PCDHGA2: variants seen among roughly 807,000 people sequenced by gnomAD.
PCDHGA2 encodes protocadherin gamma-A2.
PCDHGA2 carries 40 observed loss-of-function variants against 59.2 expected under a neutral mutation model. The observed-to-expected ratio is 0.68, with a 90% confidence interval of 0.52 to 0.88. The LOEUF is 0.88. Ranked by LOEUF, PCDHGA2 falls within the 40% of genes least tolerant of loss-of-function variation. PCDHGA2 has a pLI of 0.00. For synonymous variants in PCDHGA2, 560 were observed against 526.0 expected, an observed-to-expected ratio of 1.06 and a Z score of -0.89; for missense variants, 1,226 against 1,204.0, an observed-to-expected ratio of 1.02 and a Z score of -0.27.
intron 1 of PCDHGA2, among the ~76,000 whole-genome samples, chr5:141,401,638 TA>T (rs2094176765): frequency 1.3e-5 from 2 of 152,242 alleles, no homozygotes; most frequent in South Asian, 4.1e-4. Context: ...TTTGGAGCTT[TA>T]AATATAAATG....
intron 1 of PCDHGA2, among the ~76,000 whole-genome samples, chr5:141,483,160 T>C (rs1199191595): frequency 6.6e-6 from 1 of 152,176 alleles, no homozygotes; most frequent in Non-Finnish European, 1.5e-5. Flanking sequence ...AGTTAGATCC[T>C]GAGTTACCTT....
Position 141,431,336 on chromosome 5 carries a change from G to C in PCDHGA2, c.2425-63471G>C, listed in dbSNP as rs1187672228. ...TGGAGCCGACGGTAGTAAGTACCCC[G>C]AATTGGTGCTGAAACGCGCCCTGGA... On this transcript the variant is annotated intron_variant, in intron 1 of 3. Transcript: ENST00000394576. The surrounding 1 kb of genome is among the most constrained non-coding windows in gnomAD (Gnocchi z 4.8). 2.5e-6 allele frequency: 4 copies of C among 1,613,956 alleles called. No individual in the cohort carries two copies. The East Asian group carries it at 6.7e-5, about 27-fold the overall frequency.
intron 1 of PCDHGA2, chr5:141,429,216 T>A (rs1590916921): frequency 6.8e-6 from 1 of 146,786 alleles, no homozygotes; most frequent in Admixed American, 6.7e-5. Context: ...GTGTGAAAAG[T>A]GGGTATTATG....
chr5:141,409,748 G>C, intron 1 of PCDHGA2: 2 of 1,613,018 alleles, frequency 1.2e-6, no homozygotes, highest in South Asian at 2.2e-5. Context: ...GGTGGTGTTC[G>C]CGCAGCGCGC....
In PCDHGA2 at chr5:141,486,288, T is replaced by G. The variant is rs1181533037; in HGVS notation, c.2425-8519T>G. ...GAACCTGGCACTGTGGTGGCACTTA[T>G]CAGTGTGCAGGATCCAGACTCAGGG... On this transcript the variant is annotated intron_variant, in intron 1 of 3. Transcript: ENST00000394576. This position sits in a 1 kb window ranked among gnomAD's most constrained non-coding sequence, Gnocchi z 5.0. The G allele has an allele frequency of 6.2e-7, 1 of 1,613,996 alleles. No individual in the cohort carries two copies. The highest frequency in any genetic ancestry group is 1.7e-5 in the Admixed American group (1 of 60,000).
At position 141,355,654 on chromosome 5, in the gene PCDHGA2, T is replaced by C. The variant is rs199886630; in HGVS notation, c.2424+14259T>C. 3.2e-3 allele frequency: 5,118 copies of C among 1,613,994 alleles called. 18 individuals carry two copies. The highest frequency in any genetic ancestry group is 4.0e-3 in the Non-Finnish European group (4,668 of 1,179,882). ...TGAAAATGAAAATCCTGGGGCAAGA[T>C]TTCCTCTTCCTGAAGCTTTTGATCC... On this transcript the variant is annotated intron_variant, in intron 1 of 3. Transcript: ENST00000394576.
intron 1 of PCDHGA2, chr5:141,367,192 T>G (rs1764986193): frequency 6.3e-6 from 1 of 158,980 alleles, no homozygotes; most frequent in African/African-American, 2.4e-5. Flanking sequence ...GGAAATAATT[T>G]ACAGTATTTA....
chr5:141,348,025 T>C (rs896996512), intron 1 of PCDHGA2, among the ~76,000 whole-genome samples: 4 of 152,230 alleles, frequency 2.6e-5, no homozygotes, highest in Non-Finnish European at 5.9e-5. Context: ...CCAGACAATC[T>C]CTTCCAACAA....
At chr5:141,352,261 AT>A in intron 1 of PCDHGA2, 3 of 1,614,060 alleles carry the variant, frequency 1.9e-6, no homozygotes, top group Non-Finnish European at 2.5e-6. Flanking sequence ...TGCAAGAGGT[AT>A]TGCCAGACCT....
At chr5:141,467,693 G>C (rs543886467) in intron 1 of PCDHGA2, among the ~76,000 whole-genome samples, 49 of 152,108 alleles carry the variant, frequency 3.2e-4, no homozygotes, top group African/African-American at 1.1e-3. Flanking sequence ...ACAGGGTCTG[G>C]CTCTGTTGCC....
rs371139792 is a variant in PCDHGA2 at position 141,490,160 on chromosome 5, C to A, written c.2425-4647C>A. On this transcript the variant is annotated intron_variant, in intron 1 of 3. Transcript: ENST00000394576. This position sits in a 1 kb window ranked among gnomAD's most constrained non-coding sequence, Gnocchi z 5.4. The stretch of plus-strand genomic sequence containing the variant: ...AGTGGGGCAATCCATGTGTTGGGTC[C>A]CATAGACTTTGAGGAGTCACGTTTC... The A allele has an allele frequency of 5.6e-6, 9 of 1,614,192 alleles. No homozygotes were observed. The highest frequency in any genetic ancestry group is 7.6e-6 in the Non-Finnish European group (9 of 1,180,016).
intron 1 of PCDHGA2, chr5:141,362,467 C>A (rs771966305): frequency 6.2e-7 from 1 of 1,614,052 alleles, no homozygotes; most frequent in South Asian, 1.1e-5. Flanking sequence ...GGTTCCCGCG[C>A]AAGATCTCGT....
Position 141,414,991 on chromosome 5 carries a change from G to A in PCDHGA2, c.2424+73596G>A, listed in dbSNP as rs1162432290. ...GGTGGACAGAGACTCCGGCCAGAAC[G>A]CCTGGCTGTCCTACCGTCTGCTCAA... On this transcript the variant is annotated intron_variant, in intron 1 of 3. Transcript: ENST00000394576. 10 of 1,613,648 alleles carry A rather than the reference G, an allele frequency of 6.2e-6. No homozygotes were observed. The Admixed American group carries it at 1.2e-4, about 19-fold the overall frequency.
intron 1 of PCDHGA2, chr5:141,404,343 A>G (rs2094516679): frequency 3.1e-6 from 5 of 1,613,902 alleles, no homozygotes; most frequent in Non-Finnish European, 4.2e-6. Flanking sequence ...CTCCCGGAAA[A>G]CAACGCCAGA....
At chr5:141,398,980 G>T in intron 1 of PCDHGA2, 1 of 1,613,860 alleles carries the variant, frequency 6.2e-7, no homozygotes, top group Non-Finnish European at 8.5e-7. Context: ...CTACAGAACC[G>T]GGCAAATCTT....
In PCDHGA2 at chr5:141,375,324, A is replaced by C. The variant is rs751354618; in HGVS notation, c.2424+33929A>C. On this transcript the variant is annotated intron_variant, in intron 1 of 3. Coordinates refer to ENST00000394576, the MANE Select transcript of PCDHGA2 (RefSeq NM_018915.4). ...ACAAATGCAGCTCTAGACCGGGAAGAGGTATTCTTGTACAACATCACTGTG... is the reference window on the plus strand; with the variant it reads ...ACAAATGCAGCTCTAGACCGGGAAGCGGTATTCTTGTACAACATCACTGTG... 1.9e-6 allele frequency: 3 copies of C among 1,613,688 alleles called. No homozygotes were observed. In the African/African-American group the frequency reaches 4.0e-5, roughly 22 times the overall value.
At chr5:141,350,611 T>G (rs764436152) in intron 1 of PCDHGA2, 1 of 1,613,920 alleles carries the variant, frequency 6.2e-7, no homozygotes, top group Non-Finnish European at 8.5e-7. Context: ...TCCACGTGGT[T>G]GTTGTAATCC....
chr5:141,339,558 T>C lies in PCDHGA2; in HGVS notation c.587T>C (p.Leu196Pro). The C allele has an allele frequency of 1.2e-6, 2 of 1,614,204 alleles. No homozygotes were observed. Among genetic ancestry groups the C allele is most frequent in the Middle Eastern group, 1.6e-4 (1 of 6,062 alleles). ...ADGNKYPELV[L>P]ERSLDREEEA... ...GGGAACAAGTACCCAGAACTGGTGC[T>C]GGAGCGCTCTCTGGACCGCGAGGAA... The change falls in exon 1 of 4, where the codon CTG (leucine) becomes CCG (proline). Residue 196 changes from leucine to proline, a missense_variant. Coordinates refer to ENST00000394576, the MANE Select transcript of PCDHGA2 (RefSeq NM_018915.4).
chr5:141,496,160 G>C (rs1428576442), intron 2 of PCDHGA2, among the ~76,000 whole-genome samples: 2 of 151,600 alleles, frequency 1.3e-5, no homozygotes, highest in Admixed American at 6.6e-5. Flanking sequence ...CTCTCCACCA[G>C]ACACCCTCCC....
Sources: gnomAD v4.1 joint callset for allele counts (sites outside exome capture counted in the v4.1 genomes callset) on GRCh38, gnomAD v4.1.1 for gene constraint, Gnocchi (gnomAD v3.1) non-coding constraint, MANE v1.5 for transcripts, NCBI Gene and HGNC (gene_info 2026-07-23, HGNC 2026-07-21) for gene names.